Variants in SORCS1 observed in about 807,000 individuals in gnomAD.
SORCS1 encodes the protein VPS10 domain-containing receptor SorCS1.
Under a neutral mutation model 146.1 loss-of-function variants are expected in SORCS1, and 60 were observed. The observed-to-expected ratio is 0.41, with a 90% CI of 0.33 to 0.51. SORCS1 has a LOEUF of 0.51. Ranked by LOEUF, SORCS1 falls within the 20% of genes least tolerant of loss-of-function variation. The pLI is 0.21. For missense variants in SORCS1, 1,352 were observed against 1,487.6 expected, an observed-to-expected ratio of 0.91 and a Z score of 1.50; for synonymous variants, 637 against 584.0, an observed-to-expected ratio of 1.09 and a Z score of -1.31.
chr10:106,627,067 C>T (rs568159478), intron 19 of SORCS1, among the ~76,000 whole-genome samples: 5 of 152,122 alleles, frequency 3.3e-5, no homozygotes, highest in Admixed American at 6.5e-5. Context: ...GAAGGGTTTC[C>T]GCAGCCCTTA....
chr10:106,584,255 C>T (rs1190142803), intron 24 of SORCS1, among the ~76,000 whole-genome samples: 2 of 152,176 alleles, frequency 1.3e-5, no homozygotes, highest in Non-Finnish European at 2.9e-5. Flanking sequence ...GTCCAATGGG[C>T]CTTCCCTCCA....
At chr10:106,703,560 G>C (rs1270030325) in intron 8 of SORCS1, among the ~76,000 whole-genome samples, 1 of 152,194 alleles carries the variant, frequency 6.6e-6, no homozygotes, top group East Asian at 1.9e-4. Context: ...CCTACCCACT[G>C]TCATTCTTTA....
rs149467366 is a variant in SORCS1, at chr10:106,900,113, G to A, written c.626+56400C>T. On this transcript the variant is annotated intron_variant, in intron 2 of 25. Coordinates refer to ENST00000263054, the MANE Select transcript of SORCS1 (RefSeq NM_052918.5). Reference sequence around the variant, plus strand: ...CGCACACTAAATAGGCATATTTTCCGTCAAGAATTCTCATGATTGCTCTTC... The same window carrying A: ...CGCACACTAAATAGGCATATTTTCCATCAAGAATTCTCATGATTGCTCTTC... Among the ~76,000 whole-genome samples the A allele has an allele frequency of 4.1e-4, 62 of 152,094 alleles. 1 individual carries two copies. The East Asian group carries it at 8.1e-3, about 20-fold the overall frequency.
intron 1 of SORCS1, among the ~76,000 whole-genome samples, chr10:107,027,595 C>T (rs781348045): frequency 1.3e-5 from 2 of 152,118 alleles, no homozygotes; most frequent in East Asian, 1.9e-4. Context: ...CACTCATCCC[C>T]GAGCAGTCGT....
At chr10:106,889,833 C>T (rs1005010255) in intron 2 of SORCS1, among the ~76,000 whole-genome samples, 1 of 146,552 alleles carries the variant, frequency 6.8e-6, no homozygotes, top group Admixed American at 6.9e-5. Flanking sequence ...TGCAGTGAGC[C>T]GAGATCGCGC....
intron 1 of SORCS1, among the ~76,000 whole-genome samples, chr10:107,117,735 T>A (rs1160962828): frequency 1.3e-5 from 2 of 152,200 alleles, no homozygotes; most frequent in Admixed American, 1.3e-4. Flanking sequence ...TATTTCTCCC[T>A]TTTGAAATGA....
chr10:106,776,693 C>T lies in SORCS1; in HGVS notation c.727-1G>A. On this transcript the variant is annotated splice_acceptor_variant, in intron 3 of 25. Coordinates refer to ENST00000263054, the MANE Select transcript of SORCS1 (RefSeq NM_052918.5). LOFTEE classifies it high-confidence loss of function. Reference sequence around the variant, plus strand: ...TCTCCGGGTCTGTGAGTAACATTATCTGCAGCAAAGAATTGTTGGAGAAAG... The same window carrying T: ...TCTCCGGGTCTGTGAGTAACATTATTTGCAGCAAAGAATTGTTGGAGAAAG... 6.2e-7 allele frequency: 1 copy of T among 1,603,260 alleles called. No individual in the cohort carries two copies. Among genetic ancestry groups the T allele is most frequent in the Non-Finnish European group, 8.5e-7 (1 of 1,173,562 alleles).
chr10:106,624,714 G>A (rs529168344), intron 19 of SORCS1, among the ~76,000 whole-genome samples: 1 of 152,282 alleles, frequency 6.6e-6, no homozygotes, highest in Non-Finnish European at 1.5e-5. Context: ...GGCCTTGTAG[G>A]CCCTGAAATA....
chr10:106,919,913 G>A (rs1952626692), intron 2 of SORCS1, among the ~76,000 whole-genome samples: 1 of 152,082 alleles, frequency 6.6e-6, no homozygotes, highest in Admixed American at 6.6e-5. Flanking sequence ...TGCTAAATAC[G>A]GCTTGAGTTT....
Position 106,937,996 on chromosome 10 carries a change from A to G in SORCS1, c.626+18517T>C, listed in dbSNP as rs371138066. On this transcript the variant is annotated intron_variant, in intron 2 of 25. Transcript: ENST00000263054. ...AGAAAAAAAAAAAAAAAAAAGAAAG[A>G]AAGGAAGTGGTCTAATACACCAGTT... is the stretch of plus-strand genomic sequence containing the variant. 2.9e-3 allele frequency among the ~76,000 whole-genome samples: 440 copies of G among 151,936 alleles called. 6 individuals carry two copies. The highest frequency in any genetic ancestry group is 7.9e-3 in the African/African-American group (326 of 41,440).
At chr10:106,944,745 C>T (rs182682528) in intron 2 of SORCS1, among the ~76,000 whole-genome samples, 177 of 151,644 alleles carry the variant, frequency 1.2e-3, no homozygotes, top group Non-Finnish European at 2.1e-3. Flanking sequence ...CTGCCCTCAG[C>T]GAGTTTATAT....
At chr10:106,743,265 G>C (rs1857484737) in intron 5 of SORCS1, among the ~76,000 whole-genome samples, 1 of 152,080 alleles carries the variant, frequency 6.6e-6, no homozygotes, top group African/African-American at 2.4e-5. Flanking sequence ...AATGAGGATA[G>C]AAAGGGAGGA....
intron 24 of SORCS1, among the ~76,000 whole-genome samples, chr10:106,583,261 G>A (rs956094356): frequency 1.3e-5 from 2 of 152,164 alleles, no homozygotes; most frequent in Non-Finnish European, 2.9e-5. Flanking sequence ...GAAAAATGAT[G>A]ACAGTTCCCT....
chr10:106,671,494 G>A (rs1226777697), intron 15 of SORCS1, 127 bp from the exon 16 acceptor site: 3 of 1,340,906 alleles, frequency 2.2e-6, no homozygotes, highest in Non-Finnish European at 3.1e-6. Flanking sequence ...CCCTCTTTGT[G>A]CTAACAACAT....
intron 1 of SORCS1, among the ~76,000 whole-genome samples, chr10:107,137,379 A>T (rs891330774): frequency 1.3e-5 from 2 of 151,770 alleles, no homozygotes; most frequent in African/African-American, 2.4e-5. Context: ...TTCTGACCAG[A>T]CTCTGCATCC....
At chr10:106,779,592 C>T (rs1860739245) in intron 3 of SORCS1, among the ~76,000 whole-genome samples, 1 of 148,790 alleles carries the variant, frequency 6.7e-6, no homozygotes. Context: ...GCTCTGTTGC[C>T]CAGGCTGTAA....
intron 17 of SORCS1, among the ~76,000 whole-genome samples, chr10:106,666,723 A>AT (rs540831679): frequency 0.061 from 8,714 of 142,210 alleles, 287 homozygotes; most frequent in Middle Eastern, 0.094. Flanking sequence ...TGTGCAGTTA[A>AT]TTTTTTTTTT....
chr10:106,719,744 C>T (rs1265145298), intron 6 of SORCS1, among the ~76,000 whole-genome samples: 1 of 152,130 alleles, frequency 6.6e-6, no homozygotes, highest in African/African-American at 2.4e-5. Context: ...TTTTATCACC[C>T]TCCATACCAG....
intron 18 of SORCS1, among the ~76,000 whole-genome samples, chr10:106,631,248 C>G (rs1398221392): frequency 6.6e-6 from 1 of 152,168 alleles, no homozygotes; most frequent in Non-Finnish European, 1.5e-5. Context: ...ACAAATTCTC[C>G]CCTAGGGTAA....
Sources: gnomAD v4.1 joint callset for allele counts (sites outside exome capture counted in the v4.1 genomes callset) on GRCh38, gnomAD v4.1.1 for gene constraint, MANE v1.5 for transcripts, NCBI Gene and HGNC (gene_info 2026-07-23, HGNC 2026-07-21) for gene names.